Variants in HTT observed in about 807,000 individuals in gnomAD.
HTT encodes the protein huntingtin, also known as huntington disease protein.
In HTT, 104 loss-of-function variants were observed where a neutral mutation model predicts 362.3. The observed-to-expected ratio is 0.29, with a 90% CI of 0.24 to 0.34. The LOEUF (loss-of-function observed/expected upper bound fraction) is 0.34, where lower values mean the gene tolerates loss of function less well. Ranked by LOEUF, HTT falls within the 10% of genes least tolerant of loss-of-function variation. HTT has a pLI of 1.00. For missense variants in HTT, 3,301 were observed against 3,928.6 expected (o/e 0.84, Z 4.27); for synonymous variants, 1,577 against 1,548.7 (o/e 1.02, Z -0.43).
At position 3,134,853 on chromosome 4, in the gene HTT, CCGATTAG is replaced by C. The variant is rs1345497420; in HGVS notation, c.2633+315_2633+321del. 2.6e-5 allele frequency among the ~76,000 whole-genome samples: 4 copies of C among 152,230 alleles called. No individual in the cohort carries two copies. In the South Asian group the frequency reaches 6.2e-4, roughly 24 times the overall value. On this transcript the variant is annotated intron_variant, in intron 19 of 66. Coordinates refer to ENST00000355072, the MANE Select transcript of HTT (RefSeq NM_001388492.1). ...CAAGTGGTCCTCCTGCCTCAGCCTC[CCGATTAG>C]CTAGGAGAATAGGTGTGTGCCGTCA...
intron 29 of HTT, among the ~76,000 whole-genome samples, chr4:3,163,510 C>A (rs1284852862): frequency 6.6e-6 from 1 of 152,168 alleles, no homozygotes; most frequent in Non-Finnish European, 1.5e-5. Flanking sequence ...GGTACCATCT[C>A]CTCTTTGTAC....
At position 3,239,729 on chromosome 4, in the gene HTT, G is replaced by T. The variant is rs1018668817; in HGVS notation, c.9216-117G>T. ...AGGTGGCCCTTCCGGGGCTCTGCTC[G>T]CTCTCCAGGCTCCCTGGACCCCTTT... On this transcript the variant is annotated intron_variant, in intron 66 of 66. Transcript: ENST00000355072. 3 of 791,152 alleles carry T rather than the reference G, an allele frequency of 3.8e-6. No homozygotes were observed. The Admixed American group carries it at 7.0e-5, about 19-fold the overall frequency. 49.0% of individuals were successfully genotyped at this position (791,152 alleles called of 1,614,324 possible). A position where few individuals can be genotyped will look rare whatever the true frequency, so the allele number is the denominator to read the frequency against.
At position 3,190,456 on chromosome 4, in the gene HTT, G is replaced by A. The variant is rs914352063; in HGVS notation, c.5368+1363G>A. Among the ~76,000 whole-genome samples the A allele has an allele frequency of 4.6e-4, 70 of 151,884 alleles. 1 individual carries two copies. The highest frequency in any genetic ancestry group is 2.6e-4 in the Admixed American group (4 of 15,244). ...TTACAAATGATCAAGGACGGTGAAG[G>A]TTGGGCATGGTAGCTCACACCTGAA... On this transcript the variant is annotated intron_variant, in intron 40 of 66. Coordinates refer to ENST00000355072, the MANE Select transcript of HTT (RefSeq NM_001388492.1).
chr4:3,225,775 G>A (rs753547029), intron 57 of HTT, 32 bp downstream of exon 57: 17 of 1,543,402 alleles, frequency 1.1e-5, no homozygotes, highest in Non-Finnish European at 1.4e-5. Context: ...CCTGGCCTCT[G>A]TCCGTTTCTG....
At chr4:3,160,434 C>A (rs1252017887) in intron 29 of HTT, 42 bp downstream of exon 29, 7 of 1,290,168 alleles carry the variant, frequency 5.4e-6, no homozygotes, top group Non-Finnish European at 1.1e-6. Context: ...GGCTGGCACA[C>A]TTGATGTGCG....
rs1578475822 is a variant in HTT, at chr4:3,075,032, G to A, written c.207G>A (p.Pro69=). 8 of 1,242,246 alleles carry A rather than the reference G, an allele frequency of 6.4e-6. No individual in the cohort carries two copies. Among genetic ancestry groups the A allele is most frequent in the Admixed American group, 4.3e-5 (1 of 23,410 alleles). 77.0% of individuals were successfully genotyped at this position (1,242,246 alleles called of 1,614,324 possible). A position where few individuals can be genotyped will look rare whatever the true frequency, so the allele number is the denominator to read the frequency against. ...QPLLPQPQPP[P]PPPPPPPGPA... is the part of the protein sequence containing the mutation. Reference sequence around the variant, plus strand: ...TGCTGCCTCAGCCGCAGCCGCCCCCGCCGCCGCCCCCGCCGCCACCCGGCC... The same window carrying A: ...TGCTGCCTCAGCCGCAGCCGCCCCCACCGCCGCCCCCGCCGCCACCCGGCC... Residue 69 remains proline (P), a synonymous_variant, in exon 1 of 67, where the codon CCG becomes CCA. Transcript: ENST00000355072.
chr4:3,199,344 AGCCTG>A (rs1359720445), intron 40 of HTT, among the ~76,000 whole-genome samples: 2 of 152,164 alleles, frequency 1.3e-5, no homozygotes, highest in Non-Finnish European at 2.9e-5. Context: ...GTTCAAGACC[AGCCTG>A]GCCAACATGG....
intron 26 of HTT, among the ~76,000 whole-genome samples, chr4:3,151,751 C>T (rs1053840050): frequency 6.6e-6 from 1 of 152,160 alleles, no homozygotes. Context: ...CAGAACCGGT[C>T]CCTGGTGCCA....
chr4:3,177,109 C>T (rs564018453), intron 33 of HTT, among the ~76,000 whole-genome samples: 55 of 152,292 alleles, frequency 3.6e-4, no homozygotes, highest in African/African-American at 1.3e-3. Flanking sequence ...TTTGTTTTTC[C>T]AATGAGATTT....
intron 26 of HTT, among the ~76,000 whole-genome samples, chr4:3,152,943 G>A (rs1356008015): frequency 6.6e-6 from 1 of 151,802 alleles, no homozygotes; most frequent in Admixed American, 6.6e-5. Context: ...GAGCCACCAT[G>A]CCCGGCTAAC....
Position 3,211,526 on chromosome 4 carries a change from G to A in HTT, c.6415-403G>A, listed in dbSNP as rs1161632871. Among the ~76,000 whole-genome samples the A allele has an allele frequency of 3.3e-5, 5 of 152,148 alleles. 1 individual carries two copies. The highest frequency in any genetic ancestry group is 1.9e-4 in the East Asian group (1 of 5,202). ...TTGGCATTCATATGGCTACTTTTAC[G>A]TATTTCAGCTGCATTTGAACATCTT... On this transcript the variant is annotated intron_variant, in intron 47 of 66. Transcript: ENST00000355072.
chr4:3,109,854 C>G (rs1714643818), intron 6 of HTT, among the ~76,000 whole-genome samples: 2 of 152,066 alleles, frequency 1.3e-5, no homozygotes, highest in South Asian at 4.1e-4. Flanking sequence ...AGGCCCCTAT[C>G]GAAGTTCTAG....
chr4:3,083,990 C>G (rs1252613949), intron 1 of HTT, among the ~76,000 whole-genome samples: 1 of 152,010 alleles, frequency 6.6e-6, no homozygotes, highest in Non-Finnish European at 1.5e-5. Context: ...ATGAAAAAAG[C>G]CAATCCCAAA....
chr4:3,125,564 GAGA>G lies in HTT; in HGVS notation c.1346_1348del (p.Glu449del), dbSNP rs1560558315. ...TATTTACTAGGCAAAGTGCTCTTAG[GAGA>G]AGAAGAAGCCTTGGAGGATGACTCT... On this transcript the variant is annotated inframe_deletion, in exon 11 of 67. Transcript: ENST00000355072. The G allele has an allele frequency of 8.7e-6, 14 of 1,613,288 alleles. No homozygotes were observed. The highest frequency in any genetic ancestry group is 2.2e-5 in the East Asian group (1 of 44,872).
chr4:3,186,618 G>A lies in HTT; in HGVS notation c.4888G>A (p.Ala1630Thr), dbSNP rs762097336. The A allele has an allele frequency of 6.3e-7, 1 of 1,598,350 alleles. No individual in the cohort carries two copies. The highest frequency in any genetic ancestry group is 1.7e-5 in the Admixed American group (1 of 59,524). The change falls in exon 38 of 67, where the codon GCC becomes ACC. Residue 1630 changes from alanine (A) to threonine (T), a missense_variant. Physicochemically the swap from Ala to Thr is moderately conservative, Grantham distance 58 (BLOSUM62 0). This residue lies in a region of HTT where 2,316 missense variants were observed against 2,658.5 expected (regional missense o/e 0.87). Coordinates refer to ENST00000355072, the MANE Select transcript of HTT (RefSeq NM_001388492.1). ...ACAGATGCACATTGACTCTCATGAAGCCCTTGGAGTGTTAAATACATTATT... is the reference window on the plus strand; with the variant it reads ...ACAGATGCACATTGACTCTCATGAAACCCTTGGAGTGTTAAATACATTATT... ...KQQMHIDSHE[A>T]LGVLNTLFEI... is the part of the protein sequence containing the mutation.
At chr4:3,078,747 T>C (rs556472480) in intron 1 of HTT, among the ~76,000 whole-genome samples, 47 of 145,550 alleles carry the variant, frequency 3.2e-4, no homozygotes, top group African/African-American at 7.5e-4. Flanking sequence ...TTTTTTTTTT[T>C]CCCCCGAGAC....
chr4:3,167,224 A>C (rs1008515984), intron 29 of HTT, among the ~76,000 whole-genome samples: 2 of 152,152 alleles, frequency 1.3e-5, no homozygotes, highest in African/African-American at 4.8e-5. Context: ...GGCACCTGCC[A>C]CCATGCCTGG....
rs888158730 is a variant in HTT, at chr4:3,075,154, A to G, written c.263+66A>G. On this transcript the variant is annotated intron_variant, in intron 1 of 66. Transcript: ENST00000355072. ...CCAGGCTACGGCGGGGATGGCGGTA[A>G]CCCTGCAGCCTGCGGGCCGGCGACA... 43 of 1,189,064 alleles carry G rather than the reference A, an allele frequency of 3.6e-5. No individual in the cohort carries two copies. In the African/African-American group the frequency reaches 6.1e-4, roughly 17 times the overall value. The allele number at this position is 1,189,064 out of a possible 1,614,324, so 73.7% of individuals were successfully genotyped here.
intron 31 of HTT, 24 bp downstream of exon 31, chr4:3,173,155 G>A (rs1365723273): frequency 4.4e-6 from 7 of 1,582,484 alleles, no homozygotes; most frequent in African/African-American, 1.3e-5. Flanking sequence ...CAAGAATGCT[G>A]TCGTTGGTGG....
Sources: gnomAD v4.1 joint callset for allele counts (sites outside exome capture counted in the v4.1 genomes callset) on GRCh38, gnomAD v4.1.1 for gene constraint, gnomAD v4.1.1 regional missense constraint, MANE v1.5 for transcripts, NCBI Gene and HGNC (gene_info 2026-07-23, HGNC 2026-07-21) for gene names.